CDKAL1: variants seen among roughly 807,000 people sequenced by gnomAD.
The protein encoded by CDKAL1 is CDKAL1 threonylcarbamoyladenosine tRNA methylthiotransferase.
Under a neutral mutation model 68.2 loss-of-function variants are expected in CDKAL1, and 32 were observed. The observed-to-expected ratio is 0.47, with a 90% CI of 0.35 to 0.63. The LOEUF (loss-of-function observed/expected upper bound fraction) is 0.63, where lower values mean the gene tolerates loss of function less well. Ranked by LOEUF, CDKAL1 falls within the 30% of genes least tolerant of loss-of-function variation. The pLI is 0.00. For missense variants in CDKAL1, 606 were observed against 696.7 expected, an observed-to-expected ratio of 0.87 and a Z score of 1.47; for synonymous variants, 234 against 244.3, an observed-to-expected ratio of 0.96 and a Z score of 0.39.
chr6:21,044,606 A>G (rs867216140), intron 11 of CDKAL1, among the ~76,000 whole-genome samples: 1 of 152,252 alleles, frequency 6.6e-6, no homozygotes, highest in African/African-American at 2.4e-5. Flanking sequence ...CTTTATGTTG[A>G]CATAGTATAA....
intron 9 of CDKAL1, among the ~76,000 whole-genome samples, chr6:20,874,197 G>A (rs763268237): frequency 1.3e-5 from 2 of 152,170 alleles, no homozygotes; most frequent in African/African-American, 2.4e-5. Context: ...AAATGGTATG[G>A]TAGATGATGA....
intron 9 of CDKAL1, among the ~76,000 whole-genome samples, chr6:20,904,615 C>G (rs181151231): frequency 6.6e-6 from 1 of 152,040 alleles, no homozygotes; most frequent in African/African-American, 2.4e-5. Context: ...CATGGAGAAA[C>G]CCCATCTCTA....
intron 15 of CDKAL1, among the ~76,000 whole-genome samples, chr6:21,224,412 G>C (rs980323400): frequency 6.6e-5 from 10 of 152,174 alleles, no homozygotes; most frequent in African/African-American, 2.4e-4. Context: ...TACTCGGGAG[G>C]CTCAAACAGG....
At chr6:20,991,816 G>A (rs1766822722) in intron 10 of CDKAL1, among the ~76,000 whole-genome samples, 1 of 149,076 alleles carries the variant, frequency 6.7e-6, no homozygotes, top group African/African-American at 2.5e-5. Flanking sequence ...AGGGGTTTGA[G>A]TCTAGCCTGG....
rs145658221 is a variant in CDKAL1, at chr6:20,686,178, A to G, written c.371+36801A>G. 2.7e-3 allele frequency among the ~76,000 whole-genome samples: 403 copies of G among 151,898 alleles called. 1 individual carries two copies. The highest frequency in any genetic ancestry group is 4.4e-3 in the Non-Finnish European group (302 of 67,982). ...AGTTTTGTTTCTTCCTTCCCAATCAATATACCTATTATTTCTTTTTCTTGT... is the reference window on the plus strand; with the variant it reads ...AGTTTTGTTTCTTCCTTCCCAATCAGTATACCTATTATTTCTTTTTCTTGT... On this transcript the variant is annotated intron_variant, in intron 5 of 15. Transcript: ENST00000274695.
intron 13 of CDKAL1, among the ~76,000 whole-genome samples, chr6:21,197,548 G>A (rs550984924): frequency 5.7e-4 from 87 of 152,286 alleles, no homozygotes; most frequent in African/African-American, 1.9e-3. Flanking sequence ...CTAGTTTTCC[G>A]AGGCATTTTC....
rs1767132316 is a variant in CDKAL1 at position 20,996,705 on chromosome 6, C to A, written c.910-3522C>A. 2.0e-5 allele frequency among the ~76,000 whole-genome samples: 3 copies of A among 152,040 alleles called. No individual in the cohort carries two copies. The South Asian group carries it at 6.2e-4, about 32-fold the overall frequency. On this transcript the variant is annotated intron_variant, in intron 10 of 15. Transcript: ENST00000274695. ...AAAGTCTAAAATATTGCAAGAATTA[C>A]CAAAATGTGACACAGAGATACGAAG... is the stretch of plus-strand genomic sequence containing the variant.
chr6:20,586,892 C>T (rs190998824), intron 4 of CDKAL1, among the ~76,000 whole-genome samples: 1 of 151,916 alleles, frequency 6.6e-6, no homozygotes. Context: ...CCACTGCCGC[C>T]CTCATTTTCT....
intron 9 of CDKAL1, among the ~76,000 whole-genome samples, chr6:20,954,163 G>C (rs944788817): frequency 2.0e-5 from 3 of 152,134 alleles, no homozygotes; most frequent in Non-Finnish European, 4.4e-5. Context: ...GGAAAGAATA[G>C]TGATTGGAAA....
chr6:21,227,356 C>T (rs1038026877), intron 15 of CDKAL1, among the ~76,000 whole-genome samples: 4 of 152,166 alleles, frequency 2.6e-5, no homozygotes. Context: ...TTAAGTATCT[C>T]AGTGGTAGTG....
chr6:20,841,639 T>C (rs950387765), intron 8 of CDKAL1, among the ~76,000 whole-genome samples: 3 of 152,242 alleles, frequency 2.0e-5, no homozygotes, highest in African/African-American at 7.2e-5. Context: ...CTGGGCGTGA[T>C]GGCTCACGCC....
At chr6:20,566,025 AAGAT>A (rs1239268605) in intron 4 of CDKAL1, among the ~76,000 whole-genome samples, 1 of 152,074 alleles carries the variant, frequency 6.6e-6, no homozygotes, top group Non-Finnish European at 1.5e-5. Flanking sequence ...CAAATGGACA[AAGAT>A]AGTTAAGTGT....
rs560674481 is a variant in CDKAL1, at chr6:21,016,967, G to C, written c.1055+16595G>C. 3.3e-5 allele frequency among the ~76,000 whole-genome samples: 5 copies of C among 152,184 alleles called. No individual in the cohort carries two copies. In the East Asian group the frequency reaches 9.6e-4, roughly 29 times the overall value. Reference sequence around the variant, plus strand: ...GAAATTTTCTTTCTAAAATAAAAACGTTGTATTTCTTTGATCAAAATTGTT... The same window carrying C: ...GAAATTTTCTTTCTAAAATAAAAACCTTGTATTTCTTTGATCAAAATTGTT... On this transcript the variant is annotated intron_variant, in intron 11 of 15. Transcript: ENST00000274695.
chr6:20,936,129 T>A (rs1369936192), intron 9 of CDKAL1, among the ~76,000 whole-genome samples: 1 of 152,160 alleles, frequency 6.6e-6, no homozygotes, highest in Non-Finnish European at 1.5e-5. Flanking sequence ...GCTGACAATA[T>A]TATCTTCACA....
At chr6:20,950,324 A>G (rs1764460694) in intron 9 of CDKAL1, among the ~76,000 whole-genome samples, 1 of 150,816 alleles carries the variant, frequency 6.6e-6, no homozygotes, top group Admixed American at 6.6e-5. Flanking sequence ...GGGTTTCTCC[A>G]TGTTGGTCAG....
intron 13 of CDKAL1, among the ~76,000 whole-genome samples, chr6:21,183,893 C>T (rs1777900932): frequency 6.6e-6 from 1 of 152,052 alleles, no homozygotes; most frequent in East Asian, 1.9e-4. Context: ...CTGAATGCAC[C>T]CCTCCTCTTG....
chr6:20,549,040 C>T (rs562923092), intron 4 of CDKAL1, among the ~76,000 whole-genome samples: 76 of 152,196 alleles, frequency 5.0e-4, no homozygotes, highest in African/African-American at 1.7e-3. Flanking sequence ...AACTGTAGAT[C>T]GTATTTGAAT....
intron 11 of CDKAL1, among the ~76,000 whole-genome samples, chr6:21,042,816 C>G (rs1233856149): frequency 6.6e-6 from 1 of 152,176 alleles, no homozygotes; most frequent in Non-Finnish European, 1.5e-5. Flanking sequence ...ATATGCTGGT[C>G]CTAACCTCCT....
At chr6:20,976,950 T>A (rs1000104107) in intron 10 of CDKAL1, among the ~76,000 whole-genome samples, 10 of 152,232 alleles carry the variant, frequency 6.6e-5, no homozygotes, top group Non-Finnish European at 1.2e-4. Flanking sequence ...TGAGTAAAGC[T>A]TCTGAGAACA....
Sources: allele counts gnomAD v4.1 joint callset (sites outside exome capture counted in the v4.1 genomes callset), GRCh38; gene constraint gnomAD v4.1.1; transcripts MANE v1.5; gene names NCBI Gene and HGNC (gene_info 2026-07-23, HGNC 2026-07-21).